Variants in PPP2R2B observed in about 807,000 individuals in gnomAD.
The protein encoded by PPP2R2B is serine/threonine-protein phosphatase 2A 55 kDa regulatory subunit B beta isoform.
PPP2R2B carries 5 observed loss-of-function variants against 46.0 expected under a neutral mutation model. The ratio of observed to expected loss-of-function variants is 0.11; its 90% confidence interval spans 0.06 to 0.23. The LOEUF (loss-of-function observed/expected upper bound fraction) is 0.23, where lower values mean the gene tolerates loss of function less well. Among genes scored for constraint, PPP2R2B ranks in the 10% least tolerant of loss-of-function variants. The pLI is 1.00. For synonymous variants in PPP2R2B, 215 were observed against 206.7 expected (o/e 1.04, Z -0.34); for missense variants, 367 against 575.0 (o/e 0.64, Z 3.70).
chr5:146,620,740 C>A (rs1023675588), intron 7 of PPP2R2B, among the ~76,000 whole-genome samples: 105 of 152,272 alleles, frequency 6.9e-4, no homozygotes, highest in Non-Finnish European at 8.4e-4. Flanking sequence ...CGTCTCTCCC[C>A]CTGAGATAGC....
intron 6 of PPP2R2B, among the ~76,000 whole-genome samples, chr5:146,643,275 A>G (rs763446435): frequency 2.6e-5 from 4 of 152,108 alleles, no homozygotes; most frequent in Non-Finnish European, 5.9e-5. Flanking sequence ...CAAAGAATCT[A>G]TACCCTGCCA....
At chr5:146,651,888 G>C (rs1356574195) in intron 5 of PPP2R2B, among the ~76,000 whole-genome samples, 1 of 152,152 alleles carries the variant, frequency 6.6e-6, no homozygotes, top group African/African-American at 2.4e-5. Context: ...TTAGAAAAAA[G>C]AATTCTCCCA....
chr5:146,950,631 A>C (rs1454620901), intron 1 of PPP2R2B, among the ~76,000 whole-genome samples: 1 of 152,026 alleles, frequency 6.6e-6, no homozygotes, highest in Non-Finnish European at 1.5e-5. Context: ...ATAAATATAC[A>C]GCCAAAGAGT....
At chr5:147,011,299 GC>G (rs141651279) in intron 1 of PPP2R2B, among the ~76,000 whole-genome samples, 5,088 of 151,164 alleles carry the variant, frequency 0.034, 255 homozygotes, top group East Asian at 0.19. Flanking sequence ...AATTATAAAT[GC>G]CCCCCCCATC....
intron 1 of PPP2R2B, among the ~76,000 whole-genome samples, chr5:146,937,904 C>T (rs1764206016): frequency 6.6e-6 from 1 of 152,036 alleles, no homozygotes; most frequent in Non-Finnish European, 1.5e-5. Flanking sequence ...AGTGACCTTC[C>T]TAATTAAGTT....
chr5:146,906,575 G>A (rs1218569228), intron 1 of PPP2R2B, among the ~76,000 whole-genome samples: 1 of 152,192 alleles, frequency 6.6e-6, no homozygotes, highest in Non-Finnish European at 1.5e-5. Flanking sequence ...GCCTGCCTCG[G>A]CCTCCCAAAG....
chr5:146,675,904 C>T (rs1777680407), intron 5 of PPP2R2B, among the ~76,000 whole-genome samples: 1 of 151,990 alleles, frequency 6.6e-6, no homozygotes, highest in African/African-American at 2.4e-5. Flanking sequence ...GACAGGTGCA[C>T]TCTATCTTGG....
intron 1 of PPP2R2B, among the ~76,000 whole-genome samples, chr5:146,958,724 A>G (rs572308611): frequency 3.9e-5 from 6 of 152,344 alleles, no homozygotes; most frequent in South Asian, 2.1e-4. Flanking sequence ...TTGAAAGGCC[A>G]TAGTATAAAT....
upstream of PPP2R2B, among the ~76,000 whole-genome samples, chr5:147,057,921 T>C (rs1757141208): frequency 6.6e-6 from 1 of 152,226 alleles, no homozygotes; most frequent in African/African-American, 2.4e-5. Context: ...GGATAGTTCA[T>C]ATAAAGGGCT....
At chr5:146,769,521 A>T (rs1054807417) in intron 2 of PPP2R2B, among the ~76,000 whole-genome samples, 1 of 152,214 alleles carries the variant, frequency 6.6e-6, no homozygotes, top group African/African-American at 2.4e-5. Context: ...CACTGTAAGG[A>T]TCAGCAATCA....
chr5:146,666,801 G>C (rs1055604754), intron 5 of PPP2R2B, among the ~76,000 whole-genome samples: 2 of 152,160 alleles, frequency 1.3e-5, no homozygotes, highest in Non-Finnish European at 2.9e-5. Flanking sequence ...GAAGACATGT[G>C]CTTTCTGTTT....
chr5:147,030,194 G>A (rs932541078), intron 1 of PPP2R2B, among the ~76,000 whole-genome samples: 6 of 152,042 alleles, frequency 3.9e-5, no homozygotes, highest in Admixed American at 2.0e-4. Context: ...TGGTATTGAT[G>A]TTTTGACCCT....
intron 1 of PPP2R2B, among the ~76,000 whole-genome samples, chr5:146,968,247 G>A (rs1752523199): frequency 6.6e-6 from 1 of 152,110 alleles, no homozygotes. Flanking sequence ...CAAATAAATA[G>A]GCAGTGATGG....
chr5:146,936,650 C>T (rs1363195347), intron 1 of PPP2R2B, among the ~76,000 whole-genome samples: 4 of 151,784 alleles, frequency 2.6e-5, no homozygotes, highest in Non-Finnish European at 4.4e-5. Flanking sequence ...GCACAAAGCA[C>T]TAAAGCTCTC....
At chr5:146,854,704 T>C (rs1334386202) in intron 2 of PPP2R2B, among the ~76,000 whole-genome samples, 1 of 152,176 alleles carries the variant, frequency 6.6e-6, no homozygotes, top group Non-Finnish European at 1.5e-5. Context: ...ACTCACCTTG[T>C]ACCTCACACT....
intron 2 of PPP2R2B, among the ~76,000 whole-genome samples, chr5:146,847,191 C>T (rs569235807): frequency 3.9e-4 from 59 of 152,300 alleles, no homozygotes; most frequent in Non-Finnish European, 5.6e-4. Flanking sequence ...CAACAATAGA[C>T]AGTGTAAAAG....
intron 2 of PPP2R2B, among the ~76,000 whole-genome samples, chr5:146,778,389 A>G (rs1460525123): frequency 6.6e-6 from 1 of 152,238 alleles, no homozygotes; most frequent in African/African-American, 2.4e-5. Flanking sequence ...ACCCAGGGAT[A>G]TGACATAAGT....
intron 1 of PPP2R2B, among the ~76,000 whole-genome samples, chr5:146,943,016 C>T (rs375682722): frequency 1.3e-5 from 2 of 152,232 alleles, no homozygotes; most frequent in Admixed American, 6.5e-5. Flanking sequence ...CCAGGATGGT[C>T]TCGATCTCCT....
intron 2 of PPP2R2B, among the ~76,000 whole-genome samples, chr5:146,821,643 TTC>T (rs1352441379): frequency 6.6e-6 from 1 of 152,152 alleles, no homozygotes; most frequent in African/African-American, 2.4e-5. Context: ...GCCCCCTTTT[TTC>T]TCACTTCAAA....
Sources: allele counts gnomAD v4.1 joint callset (sites outside exome capture counted in the v4.1 genomes callset), GRCh38; gene constraint gnomAD v4.1.1; transcripts MANE v1.5; gene names NCBI Gene and HGNC (gene_info 2026-07-23, HGNC 2026-07-21).